Variants in CASZ1 observed in about 807,000 individuals in gnomAD.
The protein encoded by CASZ1 is zinc finger protein castor homolog 1.
In CASZ1, 28 loss-of-function variants were observed where a neutral mutation model predicts 135.2. The observed-to-expected ratio is 0.21, with a 90% CI of 0.15 to 0.28. The LOEUF is 0.28. CASZ1 is among the 10% of genes least tolerant of loss of function. The pLI is 1.00. For synonymous variants in CASZ1, 1,068 were observed against 1,073.4 expected (o/e 0.99, Z 0.10); for missense variants, 2,161 against 2,453.3 (o/e 0.88, Z 2.52).
At chr1:10,691,615 G>A (rs1012369206) in intron 4 of CASZ1, among the ~76,000 whole-genome samples, 3 of 152,220 alleles carry the variant, frequency 2.0e-5, no homozygotes, top group African/African-American at 7.2e-5. Context: ...CACTTCACCA[G>A]CCACGAGCCC....
chr1:10,693,800 T>C, intron 4 of CASZ1, 74 bp downstream of exon 4: 2 of 761,116 alleles, frequency 2.6e-6, no homozygotes. Context: ...CTCATTGGGC[T>C]AAAAATAAGA....
chr1:10,653,968 T>A lies in CASZ1; in HGVS notation c.2089A>T (p.Ile697Phe), dbSNP rs757123501. 1 of 1,613,908 alleles carries A rather than the reference T, an allele frequency of 6.2e-7. No individual in the cohort carries two copies. The highest frequency in any genetic ancestry group is 8.5e-7 in the Non-Finnish European group (1 of 1,179,882). ...AGCCCCAGCGCGCCCGAGGAGCGGA[T>A]GTGCCGGCGCTCATGCTTGCGCTTG... ...SHKRKHERRHIRSSGALGLPP... is the reference protein window; with the variant it reads ...SHKRKHERRHFRSSGALGLPP... Residue 697 changes from isoleucine (I) to phenylalanine (F), a missense_variant, in exon 11 of 21, where the codon ATC becomes TTC. Physicochemically the swap from Ile to Phe is conservative, Grantham distance 21. Around this residue, in one of 7 missense-constraint regions of CASZ1, gnomAD observed 248 missense variants for 410.8 expected, o/e 0.60. Coordinates refer to ENST00000377022, the MANE Select transcript of CASZ1 (RefSeq NM_001079843.3).
chr1:10,725,292 C>T lies in CASZ1; in HGVS notation c.-76-19748G>A, dbSNP rs1239424077. 6.6e-6 allele frequency among the ~76,000 whole-genome samples: 1 copy of T among 152,262 alleles called. No individual in the cohort carries two copies. On this transcript the variant is annotated intron_variant, in intron 2 of 20. Coordinates refer to ENST00000377022, the MANE Select transcript of CASZ1 (RefSeq NM_001079843.3). The surrounding 1 kb of genome is among the most constrained non-coding windows in gnomAD (Gnocchi z 4.4). ...CCAGGCCCCTCCACCGTGCCAATGC[C>T]AACACCGTGGCCGCCTCCCGCTGCA...
intron 1 of CASZ1, among the ~76,000 whole-genome samples, chr1:10,782,605 G>A (rs1405884272): frequency 1.3e-5 from 2 of 152,076 alleles, no homozygotes; most frequent in Non-Finnish European, 2.9e-5. Context: ...TGGGTCACCC[G>A]GGACAGACAG....
At chr1:10,778,215 A>C in intron 1 of CASZ1, among the ~76,000 whole-genome samples, 1 of 151,738 alleles carries the variant, frequency 6.6e-6, no homozygotes, top group East Asian at 1.9e-4. Context: ...ACACAACCAC[A>C]ATCACAATCT....
chr1:10,731,987 A>C (rs1274493896), intron 2 of CASZ1, among the ~76,000 whole-genome samples: 1 of 152,156 alleles, frequency 6.6e-6, no homozygotes, highest in Non-Finnish European at 1.5e-5. Flanking sequence ...TGATTTTTAA[A>C]ATTTCTCAGT....
intron 10 of CASZ1, 90 bp from the exon 11 acceptor site, chr1:10,654,308 GA>G (rs748667396): frequency 2.3e-4 from 363 of 1,576,950 alleles, no homozygotes; most frequent in Non-Finnish European, 3.1e-4. Flanking sequence ...CCCCCGGGTG[GA>G]AAACCCAGGC....
In CASZ1 at chr1:10,643,013, G is replaced by A. The variant is rs757360387; in HGVS notation, c.4021-13C>T. The A allele has an allele frequency of 1.0e-4, 166 of 1,610,382 alleles. No homozygotes were observed. The highest frequency in any genetic ancestry group is 1.4e-4 in the Non-Finnish European group (161 of 1,178,146). ...GGCCTGGGGGGCCCTGAAAGGACAC[G>A]GGGGTCCCTGAGGAAGTGGGGCTGT... On this transcript the variant is annotated splice_polypyrimidine_tract_variant and intron_variant, in intron 19 of 20. Coordinates refer to ENST00000377022, the MANE Select transcript of CASZ1 (RefSeq NM_001079843.3).
chr1:10,644,805 G>A (rs1457633103), intron 18 of CASZ1, 112 bp downstream of exon 18: 6 of 1,116,504 alleles, frequency 5.4e-6, no homozygotes, highest in Non-Finnish European at 7.7e-6. Flanking sequence ...ACAAAACGTG[G>A]AGCCTGCGGT....
chr1:10,697,527 C>T lies in CASZ1; in HGVS notation c.-23-3615G>A, dbSNP rs936772144. Among the ~76,000 whole-genome samples the T allele has an allele frequency of 6.6e-6, 1 of 152,078 alleles. No homozygotes were observed. Among genetic ancestry groups the T allele is most frequent in the Admixed American group, 6.5e-5 (1 of 15,270 alleles). On this transcript the variant is annotated intron_variant, in intron 3 of 20. Coordinates refer to ENST00000377022, the MANE Select transcript of CASZ1 (RefSeq NM_001079843.3). This position sits in a 1 kb window ranked among gnomAD's most constrained non-coding sequence, Gnocchi z 4.7. Reference sequence around the variant, plus strand: ...AGCGGTTCCCCCCAACCCAGGCTCCCCACATCAGCACCAAGGAAAGCCATC... The same window carrying T: ...AGCGGTTCCCCCCAACCCAGGCTCCTCACATCAGCACCAAGGAAAGCCATC...
In CASZ1 at chr1:10,759,356, C is replaced by T. The variant is rs139210257; in HGVS notation, c.-77+1345G>A. ...CTTCAGCGCCACGAAACTCCCCCCA[C>T]GGCCTTTTCCAGGTGACAGTCTAAA... On this transcript the variant is annotated intron_variant, in intron 2 of 20. Coordinates refer to ENST00000377022, the MANE Select transcript of CASZ1 (RefSeq NM_001079843.3). The surrounding 1 kb of genome is among the most constrained non-coding windows in gnomAD (Gnocchi z 4.2). 8.7e-4 allele frequency among the ~76,000 whole-genome samples: 133 copies of T among 152,300 alleles called. No individual in the cohort carries two copies. The highest frequency in any genetic ancestry group is 1.6e-3 in the Non-Finnish European group (107 of 68,028).
chr1:10,719,344 ACCGTACC>A lies in CASZ1; in HGVS notation c.-76-13807_-76-13801del, dbSNP rs1639453997. Among the ~76,000 whole-genome samples, 1 of 152,066 alleles carries A rather than the reference ACCGTACC, an allele frequency of 6.6e-6. No individual in the cohort carries two copies. The highest frequency in any genetic ancestry group is 1.9e-4 in the East Asian group (1 of 5,190). On this transcript the variant is annotated intron_variant, in intron 2 of 20. Coordinates refer to ENST00000377022, the MANE Select transcript of CASZ1 (RefSeq NM_001079843.3). The surrounding 1 kb of genome is among the most constrained non-coding windows in gnomAD (Gnocchi z 4.0). ...TGAATCAAAAGCCCTCATTCTTTTG[ACCGTACC>A]CCACTGCCTTCCCTTTAGACCTGAA...
intron 2 of CASZ1, among the ~76,000 whole-genome samples, chr1:10,746,275 C>T (rs763515572): frequency 1.3e-5 from 2 of 152,190 alleles, no homozygotes; most frequent in East Asian, 3.8e-4. Flanking sequence ...CGCACACACA[C>T]GCATGCACGG....
chr1:10,680,614 A>G (rs1638384244), intron 4 of CASZ1, among the ~76,000 whole-genome samples: 2 of 152,146 alleles, frequency 1.3e-5, no homozygotes, highest in African/African-American at 2.4e-5. Flanking sequence ...GGGCTGGAGG[A>G]GGGCGTCCAA....
chr1:10,686,634 G>T (rs1031353355), intron 4 of CASZ1, among the ~76,000 whole-genome samples: 3 of 152,198 alleles, frequency 2.0e-5, no homozygotes, highest in Non-Finnish European at 4.4e-5. Context: ...GTGCACAGGG[G>T]CTCTGCATGT....
At chr1:10,650,441 G>T in intron 13 of CASZ1, 1 of 370,212 alleles carries the variant, frequency 2.7e-6, no homozygotes, top group Non-Finnish European at 4.8e-6. Context: ...AAAAGCTTTT[G>T]GAGCCCTCCA....
At chr1:10,778,958 T>A (rs560218499) in intron 1 of CASZ1, among the ~76,000 whole-genome samples, 1 of 152,308 alleles carries the variant, frequency 6.6e-6, no homozygotes, top group Admixed American at 6.5e-5. Context: ...GAGGTGGGTA[T>A]CACCAATAGC....
At chr1:10,677,314 G>A (rs1638255972) in intron 4 of CASZ1, among the ~76,000 whole-genome samples, 1 of 152,118 alleles carries the variant, frequency 6.6e-6, no homozygotes, top group South Asian at 2.1e-4. Flanking sequence ...TTCAGGGTCA[G>A]GGGAAGGATT....
At chr1:10,789,676 G>A (rs2100631352) in intron 1 of CASZ1, among the ~76,000 whole-genome samples, 1 of 151,978 alleles carries the variant, frequency 6.6e-6, no homozygotes, top group Non-Finnish European at 1.5e-5. Context: ...TATGGAAGAA[G>A]GGCACTTGAG....
Sources: gnomAD v4.1 joint callset for allele counts (sites outside exome capture counted in the v4.1 genomes callset) on GRCh38, gnomAD v4.1.1 for gene constraint, gnomAD v4.1.1 regional missense constraint, Gnocchi (gnomAD v3.1) non-coding constraint, MANE v1.5 for transcripts, NCBI Gene and HGNC (gene_info 2026-07-23, HGNC 2026-07-21) for gene names.